The following WRNIP1 variants were observed in gnomAD, a reference collection of about 807,000 sequenced individuals.
The protein encoded by WRNIP1 is WRN helicase interacting protein 1.
WRNIP1 carries 41 observed loss-of-function variants against 56.1 expected under a neutral mutation model. The observed-to-expected ratio is 0.73, with a 90% CI of 0.57 to 0.95. The LOEUF is 0.95. Ranked by LOEUF, WRNIP1 falls within the 40% of genes least tolerant of loss-of-function variation. WRNIP1 has a pLI of 0.00. For missense variants in WRNIP1, 1,170 were observed against 939.4 expected (o/e 1.25, Z -3.21); for synonymous variants, 547 against 398.1 (o/e 1.37, Z -4.45).
At chr6:2,772,203 G>A (rs531010162) in intron 3 of WRNIP1, among the ~76,000 whole-genome samples, 1 of 152,330 alleles carries the variant, frequency 6.6e-6, no homozygotes, top group African/African-American at 2.4e-5. Context: ...TAAAGTTTGA[G>A]AAGATCAAGT....
At position 2,766,397 on chromosome 6, in the gene WRNIP1, A is replaced by G. The variant is rs1204924113; in HGVS notation, c.775A>G (p.Asn259Asp). The change falls in exon 1 of 7, where the codon AAC becomes GAC. Residue 259 changes from asparagine to aspartate, a missense_variant. Coordinates refer to ENST00000380773, the MANE Select transcript of WRNIP1 (RefSeq NM_020135.3). Reference protein sequence around the residue: ...DTLLRSLLETNEIPSLILWGP... With the variant: ...DTLLRSLLETDEIPSLILWGP... ...CCTGCTGCGCTCGCTCCTGGAGACCAACGAAATCCCCTCGCTTATCCTGTG... is the reference window on the plus strand; with the variant it reads ...CCTGCTGCGCTCGCTCCTGGAGACCGACGAAATCCCCTCGCTTATCCTGTG... 1.2e-6 allele frequency: 2 copies of G among 1,606,610 alleles called. No homozygotes were observed. Among genetic ancestry groups the G allele is most frequent in the Non-Finnish European group, 8.5e-7 (1 of 1,176,712 alleles).
In WRNIP1 at chr6:2,782,165, A is replaced by G. The variant is rs557701505; in HGVS notation, c.1487-1241A>G. On this transcript the variant is annotated intron_variant, in intron 4 of 6. Coordinates refer to ENST00000380773, the MANE Select transcript of WRNIP1 (RefSeq NM_020135.3). ...TCCACCCTGCAGAGGAGCAGAGCGT[A>G]GCCTGAGTGCCTGGGCCAGCAGGGT... 2.0e-5 allele frequency among the ~76,000 whole-genome samples: 3 copies of G among 152,350 alleles called. No homozygotes were observed. The South Asian group carries it at 6.2e-4, about 32-fold the overall frequency.
At chr6:2,784,885 G>T in intron 6 of WRNIP1, 122 bp from the exon 7 acceptor site, 2 of 1,283,868 alleles carry the variant, frequency 1.6e-6, no homozygotes, top group Non-Finnish European at 2.1e-6. Context: ...GGCGCAAAAG[G>T]GGGATAATAA....
At chr6:2,784,518 T>C in intron 6 of WRNIP1, 115 bp downstream of exon 6, 1 of 1,065,918 alleles carries the variant, frequency 9.4e-7, no homozygotes, top group South Asian at 1.5e-5. Context: ...ACCCACTGAG[T>C]ATGCTGCTTG....
intron 4 of WRNIP1, among the ~76,000 whole-genome samples, chr6:2,780,480 G>C (rs1202848048): frequency 6.6e-6 from 1 of 152,112 alleles, no homozygotes; most frequent in Non-Finnish European, 1.5e-5. Flanking sequence ...GTAGCTCAGG[G>C]GTGTTCATTA....
chr6:2,775,449 T>A (rs1029818068), intron 3 of WRNIP1, among the ~76,000 whole-genome samples: 31 of 152,378 alleles, frequency 2.0e-4, no homozygotes, highest in African/African-American at 7.5e-4. Context: ...ACCCTGACCA[T>A]GAAATGTTCC....
intron 3 of WRNIP1, among the ~76,000 whole-genome samples, chr6:2,776,537 A>C (rs1765434267): frequency 6.6e-6 from 1 of 152,242 alleles, no homozygotes; most frequent in Non-Finnish European, 1.5e-5. Flanking sequence ...GTGTGGAACC[A>C]CTTGTACTTT....
rs1385174675 is a variant in WRNIP1, at chr6:2,766,428, C to T, written c.806C>T (p.Pro269Leu). The T allele has an allele frequency of 3.2e-6, 5 of 1,575,362 alleles. No individual in the cohort carries two copies. The South Asian group carries it at 4.6e-5, about 14-fold the overall frequency. Residue 269 changes from proline (P) to leucine (L), a missense_variant, in exon 1 of 7, where the codon CCG (proline) becomes CTG (leucine). Coordinates refer to ENST00000380773, the MANE Select transcript of WRNIP1 (RefSeq NM_020135.3). ...ATCCCCTCGCTTATCCTGTGGGGGC[C>T]GCCGGGCTGCGGCAAGGTGAGTGCG... ...NEIPSLILWGPPGCGKTTLAH... is the reference protein window; with the variant it reads ...NEIPSLILWGLPGCGKTTLAH...
chr6:2,780,048 G>A (rs1358362757), intron 4 of WRNIP1, among the ~76,000 whole-genome samples: 1 of 152,168 alleles, frequency 6.6e-6, no homozygotes, highest in Middle Eastern at 3.2e-3. Context: ...TTTACAGATA[G>A]CAGATTTGAT....
intron 2 of WRNIP1, among the ~76,000 whole-genome samples, chr6:2,769,212 G>A (rs1014793068): frequency 1.4e-4 from 21 of 152,118 alleles, no homozygotes; most frequent in African/African-American, 5.1e-4. Flanking sequence ...TGATTTTAAG[G>A]TCATTATTTT....
rs1287089613 is a variant in WRNIP1 at position 2,765,857 on chromosome 6, G to T, written c.235G>T (p.Ala79Ser). Residue 79 changes from alanine (A) to serine (S), a missense_variant, in exon 1 of 7, where the codon GCG becomes TCG. Physicochemically the swap from Ala to Ser is moderately conservative, Grantham distance 99. Transcript: ENST00000380773. ...AKRRRLSESS[A>S]LKQPATPTAA... is the part of the protein sequence containing the mutation. ...GAGGCGGCGGCTGTCGGAGAGCTCG[G>T]CGCTGAAGCAGCCAGCCACCCCGAC... 3 of 1,439,224 alleles carry T rather than the reference G, an allele frequency of 2.1e-6. No homozygotes were observed. The African/African-American group carries it at 4.4e-5, about 21-fold the overall frequency. The allele number at this position is 1,439,224 out of a possible 1,614,324, so 89.2% of individuals were successfully genotyped here. A position where few individuals can be genotyped will look rare whatever the true frequency, so the allele number is the denominator to read the frequency against.
chr6:2,766,311 C>T lies in WRNIP1; in HGVS notation c.689C>T (p.Thr230Met), dbSNP rs757986525. 5.0e-5 allele frequency: 81 copies of T among 1,609,808 alleles called. No individual in the cohort carries two copies. The highest frequency in any genetic ancestry group is 6.3e-5 in the Non-Finnish European group (74 of 1,178,762). The change falls in exon 1 of 7, where the codon ACG (threonine) becomes ATG (methionine). Residue 230 changes from threonine to methionine, a missense_variant. Transcript: ENST00000380773. ...QMLQGKPLAD[T>M]MRPDTLQDYF... ...CTACAGGGCAAGCCGCTGGCCGACA[C>T]GATGCGTCCTGACACGCTGCAGGAT...
chr6:2,779,304 C>G lies in WRNIP1; in HGVS notation c.1298C>G (p.Ala433Gly). The change falls in exon 4 of 7, where the codon GCT becomes GGT. Residue 433 changes from alanine (A) to glycine (G), a missense_variant. Transcript: ENST00000380773. ...GAGGATAAAGCAGTAGACACCCTGG[C>G]TTACCTCAGTGACGGTGACGCCCGA... ...FIEDKAVDTL[A>G]YLSDGDARAG... 1 of 1,614,182 alleles carries G rather than the reference C, an allele frequency of 6.2e-7. No individual in the cohort carries two copies. Among genetic ancestry groups the G allele is most frequent in the Non-Finnish European group, 8.5e-7 (1 of 1,180,036 alleles).
chr6:2,777,286 T>C (rs960180215), intron 3 of WRNIP1, among the ~76,000 whole-genome samples: 1 of 152,214 alleles, frequency 6.6e-6, no homozygotes, highest in African/African-American at 2.4e-5. Flanking sequence ...GGTCTGGGAA[T>C]ACAAAGAATA....
At position 2,770,176 on chromosome 6, in the gene WRNIP1, T is replaced by C; in HGVS notation, c.1071T>C (p.Thr357=). The C allele has an allele frequency of 3.1e-6, 5 of 1,614,224 alleles. No individual in the cohort carries two copies. The highest frequency in any genetic ancestry group is 4.2e-6 in the Non-Finnish European group (5 of 1,180,034). The change falls in exon 3 of 7, where the codon ACT becomes ACC. Residue 357 remains threonine (T), a synonymous_variant. Transcript: ENST00000380773. The part of the protein sequence containing the change: ...CGTITLIGAT[T]ENPSFQVNAA... ...CGATCACTCTGATTGGGGCAACCAC[T>C]GAAAACCCTTCCTTCCAGGTCAACG...
chr6:2,783,298 C>T (rs1470493627), intron 4 of WRNIP1, 108 bp from the exon 5 acceptor site: 1 of 1,267,152 alleles, frequency 7.9e-7, no homozygotes, highest in Non-Finnish European at 1.1e-6. Flanking sequence ...TCGGCTTTCT[C>T]AGGGCCTTTA....
rs755383405 is a variant in WRNIP1, at chr6:2,784,317, G to A, written c.1643-7G>A. On this transcript the variant is annotated splice_region_variant and splice_polypyrimidine_tract_variant and intron_variant, in intron 5 of 6. Transcript: ENST00000380773. The stretch of plus-strand genomic sequence containing the variant: ...CTGAAACTCTCCTTTGTCTCTGTGT[G>A]TGGCAGGTCTGGCAGACCCGTCTGC... 4 of 1,612,810 alleles carry A rather than the reference G, an allele frequency of 2.5e-6. No individual in the cohort carries two copies. Among genetic ancestry groups the A allele is most frequent in the Non-Finnish European group, 2.5e-6 (3 of 1,179,050 alleles).
At chr6:2,772,318 A>G (rs1013016784) in intron 3 of WRNIP1, among the ~76,000 whole-genome samples, 1 of 152,162 alleles carries the variant, frequency 6.6e-6, no homozygotes, top group Non-Finnish European at 1.5e-5. Flanking sequence ...CCAGTAAATG[A>G]TTTACTATTT....
In WRNIP1 at chr6:2,779,453, G is replaced by A. The variant is rs755145067; in HGVS notation, c.1447G>A (p.Glu483Lys). Residue 483 changes from glutamate to lysine, a missense_variant, in exon 4 of 7, where the codon GAG becomes AAG. Transcript: ENST00000380773. ...RVLITENDVKEGLQRSHILYD... is the reference protein window; with the variant it reads ...RVLITENDVKKGLQRSHILYD... ...TCTGATCACAGAGAATGACGTGAAGGAGGGCCTACAGCGATCCCACATTTT... is the reference window on the plus strand; with the variant it reads ...TCTGATCACAGAGAATGACGTGAAGAAGGGCCTACAGCGATCCCACATTTT... 6.2e-7 allele frequency: 1 copy of A among 1,614,220 alleles called. No individual in the cohort carries two copies. The highest frequency in any genetic ancestry group is 8.5e-7 in the Non-Finnish European group (1 of 1,180,048).
Sources: allele counts gnomAD v4.1 joint callset (sites outside exome capture counted in the v4.1 genomes callset), GRCh38; gene constraint gnomAD v4.1.1; transcripts MANE v1.5; gene names NCBI Gene and HGNC (gene_info 2026-07-23, HGNC 2026-07-21).